The following FSIP1 variants were observed in gnomAD, a reference collection of about 807,000 sequenced individuals.
FSIP1 encodes the protein fibrous sheath interacting protein 1, also known as fibrous sheath-interacting protein 1.
A neutral mutation model predicts 60.9 loss-of-function variants in FSIP1; 65 were observed. That is an observed-to-expected ratio of 1.07 (90% CI 0.87 to 1.31). The LOEUF (loss-of-function observed/expected upper bound fraction) is 1.31. Among genes scored for constraint, FSIP1 ranks in the 40% most tolerant of loss-of-function variants. The pLI is 0.00. For missense variants in FSIP1, 675 were observed against 665.5 expected (o/e 1.01, Z -0.16); for synonymous variants, 209 against 221.2 (o/e 0.94, Z 0.49).
chr15:39,665,129 G>A (rs11638696), intron 10 of FSIP1, among the ~76,000 whole-genome samples: 3,096 of 152,244 alleles, frequency 0.02, 45 homozygotes, highest in Non-Finnish European at 0.03. Context: ...GCTGCATCCA[G>A]GGAAAATTAA....
At chr15:39,663,322 A>G (rs1355729930) in intron 10 of FSIP1, among the ~76,000 whole-genome samples, 1 of 152,198 alleles carries the variant, frequency 6.6e-6, no homozygotes, top group African/African-American at 2.4e-5. Flanking sequence ...AATAATTGAT[A>G]TCACAAGGGA....
At chr15:39,654,272 T>C (rs1050010992) in intron 10 of FSIP1, among the ~76,000 whole-genome samples, 1 of 152,256 alleles carries the variant, frequency 6.6e-6, no homozygotes, top group Non-Finnish European at 1.5e-5. Context: ...TATGCATAAT[T>C]GTATGTGCCA....
intron 10 of FSIP1, among the ~76,000 whole-genome samples, chr15:39,679,978 A>G (rs1292884738): frequency 1.3e-5 from 2 of 152,230 alleles, no homozygotes; most frequent in African/African-American, 4.8e-5. Flanking sequence ...TGAAGTCTAT[A>G]CAACATTAAT....
At chr15:39,691,018 G>T (rs1451774685) in intron 10 of FSIP1, among the ~76,000 whole-genome samples, 1 of 152,324 alleles carries the variant, frequency 6.6e-6, no homozygotes, top group East Asian at 1.9e-4. Context: ...AAAAGAGAAA[G>T]GAGCTAGAGT....
intron 10 of FSIP1, among the ~76,000 whole-genome samples, chr15:39,618,862 C>G (rs1249345985): frequency 6.6e-6 from 1 of 152,074 alleles, no homozygotes; most frequent in South Asian, 2.1e-4. Flanking sequence ...CCATGTCCCA[C>G]AAGACTTCAG....
intron 10 of FSIP1, among the ~76,000 whole-genome samples, chr15:39,704,207 G>T (rs1895174450): frequency 6.6e-6 from 1 of 152,178 alleles, no homozygotes; most frequent in Non-Finnish European, 1.5e-5. Flanking sequence ...ATTGTATGTG[G>T]CAGTGTTATT....
chr15:39,684,031 T>C (rs1335283487), intron 10 of FSIP1, among the ~76,000 whole-genome samples: 1 of 152,196 alleles, frequency 6.6e-6, no homozygotes, highest in African/African-American at 2.4e-5. Flanking sequence ...ATCTATAAAT[T>C]TATGCAATCC....
intron 10 of FSIP1, among the ~76,000 whole-genome samples, chr15:39,653,286 C>T (rs746696321): frequency 1.3e-4 from 20 of 151,748 alleles, no homozygotes; most frequent in Non-Finnish European, 2.8e-4. Context: ...AAGTCAAGGC[C>T]CAGGACATTA....
intron 10 of FSIP1, among the ~76,000 whole-genome samples, chr15:39,656,545 C>A (rs2140444502): frequency 6.6e-6 from 1 of 152,284 alleles, no homozygotes; most frequent in African/African-American, 2.4e-5. Context: ...CACTTACTAG[C>A]TGGAGACTTA....
intron 9 of FSIP1, 50 bp downstream of exon 9, chr15:39,726,539 A>G (rs1484868381): frequency 6.3e-7 from 1 of 1,585,178 alleles, no homozygotes. Context: ...AAATTATGTG[A>G]ACAGCTTTAG....
At chr15:39,618,439 G>A (rs1349717917) in intron 10 of FSIP1, among the ~76,000 whole-genome samples, 194 bp from the exon 11 acceptor site, 1 of 152,166 alleles carries the variant, frequency 6.6e-6, no homozygotes, top group Non-Finnish European at 1.5e-5. Flanking sequence ...TTTGGTTGGT[G>A]TTTCTCTGAC....
chr15:39,729,567 C>T (rs1446362908), intron 8 of FSIP1, among the ~76,000 whole-genome samples: 7 of 152,072 alleles, frequency 4.6e-5, no homozygotes, highest in African/African-American at 1.7e-4. Context: ...GAGTAAGACC[C>T]TGTCTTAAGG....
At chr15:39,693,119 C>A (rs1894671938) in intron 10 of FSIP1, among the ~76,000 whole-genome samples, 1 of 152,226 alleles carries the variant, frequency 6.6e-6, no homozygotes, top group Admixed American at 6.5e-5. Flanking sequence ...TCTTTTATCT[C>A]CTTTTGAAGC....
downstream of FSIP1, chr15:39,598,430 T>C (rs1218037709): frequency 2.0e-5 from 3 of 152,236 alleles, no homozygotes; most frequent in Non-Finnish European, 4.4e-5. Flanking sequence ...GGAAAACTGA[T>C]GTGAAGGAAA....
At chr15:39,653,622 G>C (rs566498003) in intron 10 of FSIP1, among the ~76,000 whole-genome samples, 1 of 152,118 alleles carries the variant, frequency 6.6e-6, no homozygotes, top group Admixed American at 6.5e-5. Flanking sequence ...GGGAGGGACC[G>C]GGTGGGAGAT....
chr15:39,684,021 A>G (rs1894267530), intron 10 of FSIP1, among the ~76,000 whole-genome samples: 1 of 152,232 alleles, frequency 6.6e-6, no homozygotes, highest in East Asian at 1.9e-4. Flanking sequence ...CACCAAACTT[A>G]TCTATAAATT....
At chr15:39,674,231 G>T (rs4432244) in intron 10 of FSIP1, among the ~76,000 whole-genome samples, 86,247 of 151,802 alleles carry the variant, frequency 0.57, 27,614 homozygotes, top group Non-Finnish European at 0.74. Context: ...ATTTTTTGTA[G>T]TTTTAGTAGA....
rs1491012333 is a variant in FSIP1 at position 39,726,851 on chromosome 15, A to AC, written c.892-105_892-104insG. 1.3e-5 allele frequency: 9 copies of AC among 670,378 alleles called. No homozygotes were observed. In the African/African-American group the frequency reaches 1.4e-4, roughly 10 times the overall value. The allele number at this position is 670,378 out of a possible 1,614,324, so 41.5% of individuals were successfully genotyped here. A position where few individuals can be genotyped will look rare whatever the true frequency, so the allele number is the denominator to read the frequency against. The stretch of plus-strand genomic sequence containing the variant: ...TGCCCAGGTCTTCACATACACACAC[A>AC]AACACACACACACACACACACAACA... On this transcript the variant is annotated intron_variant, in intron 8 of 11. Transcript: ENST00000350221.
At chr15:39,644,169 G>A (rs1017001632) in intron 10 of FSIP1, among the ~76,000 whole-genome samples, 7 of 152,062 alleles carry the variant, frequency 4.6e-5, no homozygotes, top group African/African-American at 1.2e-4. Context: ...CTATAGGCTC[G>A]ATCCTTCCAA....
Sources: allele counts gnomAD v4.1 joint callset (sites outside exome capture counted in the v4.1 genomes callset), GRCh38; gene constraint gnomAD v4.1.1; transcripts MANE v1.5; gene names NCBI Gene and HGNC (gene_info 2026-07-23, HGNC 2026-07-21).